Variants in DIP2C observed in about 807,000 individuals in gnomAD.
The protein encoded by DIP2C is DIP2 acetate--CoA ligase C (putative), also known as disco-interacting protein 2 homolog C.
Under a neutral mutation model 192.4 loss-of-function variants are expected in DIP2C, and 33 were observed. That is an observed-to-expected ratio of 0.17 (90% CI 0.13 to 0.23). The LOEUF is 0.23. Among genes scored for constraint, DIP2C ranks in the 10% least tolerant of loss-of-function variants. DIP2C has a pLI of 1.00. For missense variants in DIP2C, 1,537 were observed against 2,110.1 expected (o/e 0.73, Z 5.32); for synonymous variants, 979 against 864.1 (o/e 1.13, Z -2.33).
At chr10:311,038 C>T (rs888983198) in intron 31 of DIP2C, among the ~76,000 whole-genome samples, 3 of 151,728 alleles carry the variant, frequency 2.0e-5, no homozygotes, top group Non-Finnish European at 4.4e-5. Context: ...AAAAAAAAGA[C>T]AATGTCATGA....
At chr10:449,920 C>CAACAAAAAAAAAAAAAAAAAAAAAAAA (rs1408389732) in intron 3 of DIP2C, among the ~76,000 whole-genome samples, 1 of 135,912 alleles carries the variant, frequency 7.4e-6, no homozygotes, top group Non-Finnish European at 1.5e-5. Context: ...TCAACAACAA[C>CAACAAAAAAAAAAAAAAAAAAAAAAAA]AAAAAAAAAA....
chr10:612,570 A>G (rs1853169625), intron 1 of DIP2C, among the ~76,000 whole-genome samples: 1 of 152,168 alleles, frequency 6.6e-6, no homozygotes, highest in Admixed American at 6.5e-5. Flanking sequence ...GAGATGCCCA[A>G]AATATGAACC....
rs1351669553 is a variant in DIP2C at position 364,276 on chromosome 10, T to C, written c.2477+98A>G. The C allele has an allele frequency of 5.1e-6, 7 of 1,377,440 alleles. No individual in the cohort carries two copies. The East Asian group carries it at 1.2e-4, about 23-fold the overall frequency. 85.3% of individuals were successfully genotyped at this position (1,377,440 alleles called of 1,614,324 possible). ...CATGGAAGAGGAAACGGAGACACAA[T>C]ACATTTAAGGAAACTGTGCAACTTT... is the stretch of plus-strand genomic sequence containing the variant. On this transcript the variant is annotated intron_variant, in intron 20 of 36. Transcript: ENST00000280886.
chr10:378,459 A>G (rs1174472229), intron 17 of DIP2C, among the ~76,000 whole-genome samples: 1 of 152,232 alleles, frequency 6.6e-6, no homozygotes, highest in African/African-American at 2.4e-5. Flanking sequence ...GTGAACACAA[A>G]CATGCCTAGA....
At chr10:630,231 G>A (rs964110784) in intron 1 of DIP2C, 5 of 152,088 alleles carry the variant, frequency 3.3e-5, no homozygotes, top group African/African-American at 1.2e-4. Context: ...GGTCTGTTCT[G>A]CTCTTTTGGT....
intron 32 of DIP2C, among the ~76,000 whole-genome samples, chr10:306,356 GA>G (rs1956319864): frequency 6.6e-6 from 1 of 152,052 alleles, no homozygotes; most frequent in African/African-American, 2.4e-5. Flanking sequence ...ACCCCTGTTC[GA>G]CAACTGACTT....
intron 2 of DIP2C, among the ~76,000 whole-genome samples, chr10:478,493 C>T (rs1190811563): frequency 1.3e-5 from 2 of 149,662 alleles, no homozygotes; most frequent in Admixed American, 1.3e-4. Flanking sequence ...TGCAGATGCA[C>T]CCAAATTCCC....
rs1856022844 is a variant in DIP2C, at chr10:652,747, T to C, written c.85+36747A>G. The C allele has an allele frequency of 6.6e-6, 1 of 152,114 alleles. No homozygotes were observed. The highest frequency in any genetic ancestry group is 6.6e-5 in the Admixed American group (1 of 15,264). The allele number at this position is 152,114 out of a possible 1,614,324, so 9.4% of individuals were successfully genotyped here. ...AACACTTTGTGCGTCTTTCTAGGTA[T>C]TTTCTATCCTCCTCAAGCACAGAAC... On this transcript the variant is annotated intron_variant, in intron 1 of 36. Transcript: ENST00000280886. This position sits in a 1 kb window ranked among gnomAD's most constrained non-coding sequence, Gnocchi z 4.5.
intron 7 of DIP2C, among the ~76,000 whole-genome samples, chr10:414,910 T>A (rs56181336): frequency 0.32 from 34,653 of 107,952 alleles, 6,099 homozygotes; most frequent in Non-Finnish European, 0.41. Flanking sequence ...ATATATATTT[T>A]TTTTTTTTTT....
At chr10:447,400 G>A (rs1456363879) in intron 3 of DIP2C, among the ~76,000 whole-genome samples, 60 of 143,604 alleles carry the variant, frequency 4.2e-4, no homozygotes, top group East Asian at 8.2e-4. Flanking sequence ...CACACAGTGG[G>A]GCAGCAGGAC....
At chr10:396,828 G>C (rs777116638) in intron 10 of DIP2C, among the ~76,000 whole-genome samples, 40 of 60,356 alleles carry the variant, frequency 6.6e-4, no homozygotes, top group East Asian at 3.4e-3. Context: ...AAATCCGGTG[G>C]GGGGGGGGGA....
At chr10:660,512 G>C (rs1434020652) in intron 1 of DIP2C, among the ~76,000 whole-genome samples, 1 of 152,220 alleles carries the variant, frequency 6.6e-6, no homozygotes, top group Non-Finnish European at 1.5e-5. Context: ...CTCTGTGTAT[G>C]AAACAGATTC....
intron 1 of DIP2C, among the ~76,000 whole-genome samples, chr10:626,444 C>CCCCCCGTCCCCGGGGTTACCCCCCGT (rs747436468): frequency 6.7e-6 from 1 of 148,466 alleles, no homozygotes; most frequent in African/African-American, 2.6e-5. Flanking sequence ...TACCCTCCGT[C>CCCCCCGTCCCCGGGGTTACCCCCCGT]CCCCCGTCCC....
intron 3 of DIP2C, among the ~76,000 whole-genome samples, chr10:445,141 G>A (rs1968055400): frequency 6.6e-6 from 1 of 152,214 alleles, no homozygotes; most frequent in South Asian, 2.1e-4. Flanking sequence ...CTTACCAAAT[G>A]ACCCCTGGTG....
chr10:441,056 A>C (rs1589803117), intron 3 of DIP2C, 60 bp from the exon 4 acceptor site: 22 of 1,551,116 alleles, frequency 1.4e-5, no homozygotes, highest in East Asian at 9.2e-5. Flanking sequence ...GCCAAGCTGC[A>C]CCCTCCTCTC....
At chr10:611,610 A>G (rs1035884798) in intron 1 of DIP2C, among the ~76,000 whole-genome samples, 2 of 152,224 alleles carry the variant, frequency 1.3e-5, no homozygotes, top group Non-Finnish European at 2.9e-5. Context: ...AGAAAAGCTG[A>G]GCATTCCTTG....
chr10:390,981 C>T (rs997668004), intron 10 of DIP2C, 118 bp from the exon 11 acceptor site: 20 of 1,436,650 alleles, frequency 1.4e-5, no homozygotes, highest in Non-Finnish European at 9.4e-6. Context: ...GATCCAACCC[C>T]CAGCCCTGCT....
chr10:354,029 C>T lies in DIP2C; in HGVS notation c.2985+2397G>A, dbSNP rs1589583690. 2.6e-5 allele frequency among the ~76,000 whole-genome samples: 4 copies of T among 152,190 alleles called. No individual in the cohort carries two copies. In the South Asian group the frequency reaches 8.3e-4, roughly 32 times the overall value. On this transcript the variant is annotated intron_variant, in intron 24 of 36. Transcript: ENST00000280886. The stretch of plus-strand genomic sequence containing the variant: ...GCCCAGCATCTCTTCAGTGTGCATA[C>T]GAGGCAGCAGAGGAGCGAAGGACCC...
At chr10:684,344 T>G (rs1162491246) in intron 1 of DIP2C, among the ~76,000 whole-genome samples, 1 of 152,236 alleles carries the variant, frequency 6.6e-6, no homozygotes, top group Non-Finnish European at 1.5e-5. Flanking sequence ...CTTAGTTATC[T>G]GTGACTTTCA....
Sources: allele counts gnomAD v4.1 joint callset (sites outside exome capture counted in the v4.1 genomes callset), GRCh38; gene constraint gnomAD v4.1.1; non-coding constraint Gnocchi (gnomAD v3.1); transcripts MANE v1.5; gene names NCBI Gene and HGNC (gene_info 2026-07-23, HGNC 2026-07-21).